Variants in SCFD1 observed in about 807,000 individuals in gnomAD.
The protein encoded by SCFD1 is sec1 family domain containing 1.
In SCFD1, 37 loss-of-function variants were observed where a neutral mutation model predicts 103.2. That is an observed-to-expected ratio of 0.36 (90% CI 0.28 to 0.47). The LOEUF is 0.47. SCFD1 is among the 20% of genes least tolerant of loss of function. The pLI, the probability that SCFD1 is intolerant of heterozygous loss-of-function variation, is 1.00. For synonymous variants in SCFD1, 264 were observed against 245.0 expected (o/e 1.08, Z -0.73); for missense variants, 639 against 761.2 (o/e 0.84, Z 1.89).
chr14:30,706,377 G>T lies in SCFD1; in HGVS notation c.1553+492G>T, dbSNP rs184872500. ...GATATACACCTAAATGTTAATAGTGGGTAATTCCAAGGGGTATAGTTTTTT... is the reference window on the plus strand; with the variant it reads ...GATATACACCTAAATGTTAATAGTGTGTAATTCCAAGGGGTATAGTTTTTT... On this transcript the variant is annotated intron_variant, in intron 18 of 24. Transcript: ENST00000458591. Among the ~76,000 whole-genome samples the T allele has an allele frequency of 1.9e-3, 290 of 151,908 alleles. 1 individual carries two copies. Among genetic ancestry groups the T allele is most frequent in the Non-Finnish European group, 3.6e-3 (242 of 67,954 alleles).
intron 17 of SCFD1, among the ~76,000 whole-genome samples, 199 bp downstream of exon 17, chr14:30,702,574 C>G (rs1891155218): frequency 6.6e-6 from 1 of 152,116 alleles, no homozygotes; most frequent in Admixed American, 6.5e-5. Flanking sequence ...CCTTTCTTTC[C>G]TGGGCAAGCT....
At chr14:30,645,820 T>C (rs1885764383) in intron 7 of SCFD1, among the ~76,000 whole-genome samples, 2 of 152,186 alleles carry the variant, frequency 1.3e-5, no homozygotes, top group African/African-American at 4.8e-5. Context: ...CTTTTATTTC[T>C]TTCTCTTGCC....
At chr14:30,681,848 A>T (rs1262501871) in intron 14 of SCFD1, among the ~76,000 whole-genome samples, 1 of 152,140 alleles carries the variant, frequency 6.6e-6, no homozygotes, top group Non-Finnish European at 1.5e-5. Context: ...ATTTCATGTG[A>T]CTGTTTCGTA....
chr14:30,698,889 A>G (rs1220808765), intron 15 of SCFD1, among the ~76,000 whole-genome samples: 4 of 152,164 alleles, frequency 2.6e-5, no homozygotes, highest in African/African-American at 7.2e-5. Flanking sequence ...CAGCATTTCA[A>G]AGACTGAGAG....
intron 1 of SCFD1, 29 bp downstream of exon 1, chr14:30,622,428 C>A (rs1472940149): frequency 1.3e-6 from 2 of 1,550,212 alleles, no homozygotes; most frequent in Non-Finnish European, 1.7e-6. Flanking sequence ...CTCCTTGAAG[C>A]TTCGTGACTG....
chr14:30,646,182 C>A (rs886233548), intron 7 of SCFD1, among the ~76,000 whole-genome samples: 1 of 152,108 alleles, frequency 6.6e-6, no homozygotes, highest in Non-Finnish European at 1.5e-5. Flanking sequence ...GCCACCACGC[C>A]CAGCTAATTT....
chr14:30,730,433 C>T (rs996523859), intron 23 of SCFD1, among the ~76,000 whole-genome samples: 3 of 152,238 alleles, frequency 2.0e-5, no homozygotes, highest in Non-Finnish European at 4.4e-5. Context: ...GGAATCGCCA[C>T]ACTGTCTTCC....
intron 10 of SCFD1, among the ~76,000 whole-genome samples, chr14:30,665,989 A>G (rs1431808559): frequency 6.6e-6 from 1 of 152,198 alleles, no homozygotes; most frequent in Admixed American, 6.5e-5. Context: ...CCCCACTGTC[A>G]ATATTAGACA....
At chr14:30,659,139 T>C (rs230345) in intron 10 of SCFD1, among the ~76,000 whole-genome samples, 14,729 of 151,310 alleles carry the variant, frequency 0.097, 1,380 homozygotes, top group African/African-American at 0.23. Flanking sequence ...AAAAAGAGTA[T>C]GTACTATTTA....
At chr14:30,724,439 C>T (rs1156565880) in intron 23 of SCFD1, among the ~76,000 whole-genome samples, 1 of 151,460 alleles carries the variant, frequency 6.6e-6, no homozygotes, top group Non-Finnish European at 1.5e-5. Context: ...TTTTAGTAGA[C>T]ACGGAGTTAC....
intron 23 of SCFD1, among the ~76,000 whole-genome samples, chr14:30,726,233 A>T (rs1227626813): frequency 6.6e-6 from 1 of 152,230 alleles, no homozygotes; most frequent in East Asian, 1.9e-4. Context: ...TAATCCAGTG[A>T]AAACTTGTTC....
intron 19 of SCFD1, chr14:30,715,550 G>A (rs558238576): frequency 1.5e-4 from 22 of 147,150 alleles, no homozygotes; most frequent in South Asian, 2.1e-4. Context: ...CAGCCTGGGC[G>A]ACAGCGAGTC....
intron 4 of SCFD1, among the ~76,000 whole-genome samples, chr14:30,635,764 C>T (rs577821189): frequency 6.6e-5 from 10 of 151,850 alleles, no homozygotes; most frequent in Non-Finnish European, 1.5e-4. Context: ...CTCTTGTGGC[C>T]GTAAACACAT....
intron 10 of SCFD1, among the ~76,000 whole-genome samples, chr14:30,657,653 T>C (rs230342): frequency 6.6e-6 from 1 of 152,088 alleles, no homozygotes; most frequent in African/African-American, 2.4e-5. Flanking sequence ...ATGAACAAAC[T>C]ATAACTGAGA....
chr14:30,656,709 G>T (rs1886940874), intron 10 of SCFD1, among the ~76,000 whole-genome samples: 1 of 151,922 alleles, frequency 6.6e-6, no homozygotes, highest in South Asian at 2.1e-4. Flanking sequence ...TCCAGTCTCA[G>T]ATCCAGTGGT....
intron 7 of SCFD1, among the ~76,000 whole-genome samples, chr14:30,648,610 T>G (rs180689509): frequency 1.7e-4 from 26 of 152,276 alleles, no homozygotes; most frequent in Admixed American, 1.5e-3. Context: ...TAGAGTAAGC[T>G]TATGTATTGA....
chr14:30,624,121 A>G (rs944608724), intron 1 of SCFD1, among the ~76,000 whole-genome samples: 8 of 152,102 alleles, frequency 5.3e-5, no homozygotes, highest in Non-Finnish European at 4.4e-5. Flanking sequence ...CTCCTGAAAA[A>G]TCTTTATTGA....
chr14:30,732,309 T>C (rs1261345131), intron 23 of SCFD1, among the ~76,000 whole-genome samples: 2 of 152,220 alleles, frequency 1.3e-5, no homozygotes, highest in Non-Finnish European at 2.9e-5. Flanking sequence ...GGCTAGAACC[T>C]TCAGTACATT....
chr14:30,702,166 T>A (rs886321928), intron 16 of SCFD1, 130 bp from the exon 17 acceptor site: 1 of 554,980 alleles, frequency 1.8e-6, no homozygotes, highest in Non-Finnish European at 3.2e-6. Flanking sequence ...AAGACGTGAC[T>A]CCACTCTACT....
Sources: gnomAD v4.1 joint callset for allele counts (sites outside exome capture counted in the v4.1 genomes callset) on GRCh38, gnomAD v4.1.1 for gene constraint, MANE v1.5 for transcripts, NCBI Gene and HGNC (gene_info 2026-07-23, HGNC 2026-07-21) for gene names.